The following SLC35A1 variants were observed in gnomAD, a reference collection of about 807,000 sequenced individuals.
The protein encoded by SLC35A1 is solute carrier family 35 member A1.
Under a neutral mutation model 40.3 loss-of-function variants are expected in SLC35A1, and 21 were observed. The observed-to-expected ratio is 0.52, with a 90% CI of 0.37 to 0.75. The LOEUF is 0.75. SLC35A1 is among the 30% of genes least tolerant of loss of function. SLC35A1 has a pLI of 0.00. For missense variants in SLC35A1, 297 were observed against 382.1 expected (o/e 0.78, Z 1.86); for synonymous variants, 146 against 147.3 (o/e 0.99, Z 0.06).
At chr6:87,482,888 A>G (rs895481540) in intron 2 of SLC35A1, among the ~76,000 whole-genome samples, 1 of 152,126 alleles carries the variant, frequency 6.6e-6, no homozygotes, top group East Asian at 1.9e-4. Flanking sequence ...TCTAAAAGTT[A>G]TTTTTCTACT....
At chr6:87,480,414 C>T (rs1260206900) in intron 2 of SLC35A1, among the ~76,000 whole-genome samples, 1 of 152,236 alleles carries the variant, frequency 6.6e-6, no homozygotes, top group East Asian at 1.9e-4. Context: ...ACAAGTGTAA[C>T]AGTTACTTTT....
At chr6:87,499,404 C>A (rs539416716) in intron 2 of SLC35A1, among the ~76,000 whole-genome samples, 1 of 152,130 alleles carries the variant, frequency 6.6e-6, no homozygotes, top group African/African-American at 2.4e-5. Flanking sequence ...TATTATAAAG[C>A]ACTTCTTTTG....
chr6:87,500,069 T>A (rs930728366), intron 2 of SLC35A1, among the ~76,000 whole-genome samples: 1 of 152,110 alleles, frequency 6.6e-6, no homozygotes, highest in Non-Finnish European at 1.5e-5. Context: ...GCCACTGCAC[T>A]CCAGCCGGGG....
At position 87,511,530 on chromosome 6, in the gene SLC35A1, T is replaced by C. The variant is rs766984072; in HGVS notation, c.*4T>C. 1.9e-6 allele frequency: 3 copies of C among 1,614,030 alleles called. No homozygotes were observed. In the Admixed American group the frequency reaches 5.0e-5, roughly 27 times the overall value. The stretch of plus-strand genomic sequence containing the variant: ...GGAGAGAGTTATTGGTGTGTGATTT[T>C]AGCCTCACGTGAGACTCCTTTTAAG... On this transcript the variant is annotated 3_prime_UTR_variant, in exon 8 of 8. Transcript: ENST00000369552.
chr6:87,477,650 C>T, intron 2 of SLC35A1, 111 bp downstream of exon 2: 2 of 944,372 alleles, frequency 2.1e-6, no homozygotes, highest in South Asian at 2.7e-5. Context: ...GTCAGTGTTT[C>T]TCAACTAGGG....
In SLC35A1 at chr6:87,508,744, G is replaced by A. The variant is rs575751531; in HGVS notation, c.751+148G>A. 13 of 865,744 alleles carry A rather than the reference G, an allele frequency of 1.5e-5. No individual in the cohort carries two copies. In the East Asian group the frequency reaches 3.4e-4, roughly 23 times the overall value. The allele number at this position is 865,744 out of a possible 1,614,324, so 53.6% of individuals were successfully genotyped here. A position where few individuals can be genotyped will look rare whatever the true frequency, so the allele number is the denominator to read the frequency against. ...ATATAATTTTCATTTTGTTGACTTA[G>A]TTTTGATTGTGAAGGCAAAATTGCT... On this transcript the variant is annotated intron_variant, in intron 6 of 7. Coordinates refer to ENST00000369552, the MANE Select transcript of SLC35A1 (RefSeq NM_006416.5).
In SLC35A1 at chr6:87,500,604, G is replaced by A. The variant is rs759128193; in HGVS notation, c.291G>A (p.Val97=). Reference sequence around the variant, plus strand: ...TGAAGTTAAGTGTGCCATCGTTAGTGTATGCTGTTCAGAACAACATGGCTT... The same window carrying A: ...TGAAGTTAAGTGTGCCATCGTTAGTATATGCTGTTCAGAACAACATGGCTT... ...ELLKLSVPSL[V]YAVQNNMAFL... Residue 97 remains valine, a synonymous_variant, in exon 3 of 8, where the codon GTG becomes GTA. Coordinates refer to ENST00000369552, the MANE Select transcript of SLC35A1 (RefSeq NM_006416.5). 3.1e-6 allele frequency: 5 copies of A among 1,614,130 alleles called. No individual in the cohort carries two copies. Among genetic ancestry groups the A allele is most frequent in the Non-Finnish European group, 4.2e-6 (5 of 1,179,994 alleles).
At chr6:87,492,441 G>GT (rs373941857) in intron 2 of SLC35A1, among the ~76,000 whole-genome samples, 202 of 151,012 alleles carry the variant, frequency 1.3e-3, no homozygotes, top group African/African-American at 4.1e-3. Context: ...TAAATTTAGG[G>GT]TTTTTTTGGG....
At chr6:87,501,963 ATGG>A (rs1769934791) in intron 4 of SLC35A1, among the ~76,000 whole-genome samples, 1 of 152,228 alleles carries the variant, frequency 6.6e-6, no homozygotes, top group Non-Finnish European at 1.5e-5. Flanking sequence ...GAAACAGGAA[ATGG>A]GATGCCAGTG....
intron 2 of SLC35A1, among the ~76,000 whole-genome samples, chr6:87,490,143 C>T (rs189627466): frequency 5.3e-5 from 8 of 151,544 alleles, no homozygotes; most frequent in African/African-American, 1.7e-4. Context: ...GCAGGAGGAT[C>T]GCTTGAACCT....
chr6:87,498,420 A>T (rs774120600), intron 2 of SLC35A1, among the ~76,000 whole-genome samples: 29 of 152,068 alleles, frequency 1.9e-4, no homozygotes, highest in Non-Finnish European at 3.8e-4. Context: ...TTTTTCTCTA[A>T]TTTTTTCATC....
chr6:87,498,107 A>ATAT (rs1769798077), intron 2 of SLC35A1, among the ~76,000 whole-genome samples: 1 of 152,124 alleles, frequency 6.6e-6, no homozygotes, highest in African/African-American at 2.4e-5. Flanking sequence ...AATAGCCATT[A>ATAT]TATTGTAGCT....
intron 1 of SLC35A1, among the ~76,000 whole-genome samples, chr6:87,473,240 G>A (rs1768969549): frequency 6.6e-6 from 1 of 152,214 alleles, no homozygotes; most frequent in African/African-American, 2.4e-5. Context: ...GCGCTGGGCA[G>A]GTCGGAGTCA....
chr6:87,501,305 G>C lies in SLC35A1; in HGVS notation c.502G>C (p.Val168Leu). Residue 168 changes from valine to leucine, a missense_variant, in exon 4 of 8, where the codon GTG becomes CTG. Physicochemically the swap from Val to Leu is conservative, Grantham distance 32 (BLOSUM62 1). Transcript: ENST00000369552. ...GTGGAAACCAGCCCAAGCTACAAAA[G>C]TGGTGGTAAGAAACAAAATGCACAC... ...VQWKPAQATK[V>L]VVEQNPLLGF... is the part of the protein sequence containing the mutation. 1 of 1,613,620 alleles carries C rather than the reference G, an allele frequency of 6.2e-7. No individual in the cohort carries two copies.
chr6:87,488,997 T>G (rs1279346414), intron 2 of SLC35A1, among the ~76,000 whole-genome samples: 6 of 152,270 alleles, frequency 3.9e-5, no homozygotes, highest in Non-Finnish European at 7.3e-5. Context: ...TTCTCTTGCC[T>G]TTAATGCCTT....
At chr6:87,487,869 C>T (rs1769431696) in intron 2 of SLC35A1, among the ~76,000 whole-genome samples, 1 of 152,158 alleles carries the variant, frequency 6.6e-6, no homozygotes, top group Admixed American at 6.5e-5. Flanking sequence ...CCAATGACTG[C>T]AAGTGTTACC....
Position 87,477,283 on chromosome 6 carries a change from TTAGGC to T in SLC35A1, c.17-76_17-72del. ...TTGTGCTTGGAATTGGAAAGTATTT[TTAGGC>T]TATAACTAGTTTATTAACTTATATA... On this transcript the variant is annotated intron_variant, in intron 1 of 7. Transcript: ENST00000369552. The T allele has an allele frequency of 5.5e-6, 7 of 1,262,234 alleles. No homozygotes were observed. The South Asian group carries it at 9.2e-5, about 17-fold the overall frequency. 78.2% of individuals were successfully genotyped at this position (1,262,234 alleles called of 1,614,324 possible).
intron 2 of SLC35A1, among the ~76,000 whole-genome samples, chr6:87,498,147 C>A (rs749485301): frequency 2.0e-5 from 3 of 152,078 alleles, no homozygotes; most frequent in Non-Finnish European, 4.4e-5. Context: ...GAATCTTACA[C>A]CAGGAGATAA....
At chr6:87,483,309 C>G (rs188160430) in intron 2 of SLC35A1, among the ~76,000 whole-genome samples, 1 of 152,110 alleles carries the variant, frequency 6.6e-6, no homozygotes, top group Non-Finnish European at 1.5e-5. Context: ...TCTTCCCTCT[C>G]CTCCTTCCCC....
Sources: allele counts gnomAD v4.1 joint callset (sites outside exome capture counted in the v4.1 genomes callset), GRCh38; gene constraint gnomAD v4.1.1; transcripts MANE v1.5; gene names NCBI Gene and HGNC (gene_info 2026-07-23, HGNC 2026-07-21).